The following ATP13A4 variants were observed in gnomAD, a reference collection of about 807,000 sequenced individuals.
ATP13A4 encodes the protein ATPase 13A4, also known as probable cation-transporting ATPase 13A4.
A neutral mutation model predicts 142.5 loss-of-function variants in ATP13A4; 114 were observed. The observed-to-expected ratio is 0.80, with a 90% CI of 0.69 to 0.93. ATP13A4 has a LOEUF of 0.93. Ranked by LOEUF, ATP13A4 falls within the 40% of genes least tolerant of loss-of-function variation. The pLI is 0.00. For missense variants in ATP13A4, 1,392 were observed against 1,454.0 expected (o/e 0.96, Z 0.69); for synonymous variants, 488 against 514.8 (o/e 0.95, Z 0.70).
chr3:193,471,386 G>A lies in ATP13A4; in HGVS notation c.809-393C>T, dbSNP rs1430174019. Among the ~76,000 whole-genome samples the A allele has an allele frequency of 4.6e-5, 7 of 151,866 alleles. No homozygotes were observed. The East Asian group carries it at 1.4e-3, about 29-fold the overall frequency. ...GAGACCAACCTGGACAATATAGCGG[G>A]AGCCCTATCTATCTTCACCAAAAAA... On this transcript the variant is annotated intron_variant, in intron 8 of 29. Transcript: ENST00000342695.
Position 193,506,078 on chromosome 3 carries a change from T to C in ATP13A4, c.235-3439A>G, listed in dbSNP as rs112957800. Among the ~76,000 whole-genome samples the C allele has an allele frequency of 3.6e-3, 545 of 152,320 alleles. 8 individuals are homozygous for C. Among genetic ancestry groups the C allele is most frequent in the African/African-American group, 0.012 (502 of 41,578 alleles). On this transcript the variant is annotated intron_variant, in intron 2 of 29. Coordinates refer to ENST00000342695, the MANE Select transcript of ATP13A4 (RefSeq NM_032279.4). ...TTTTCATAGCATGTTGTTTCTGAGTTCTTTCTGTAAGTAGGAACTTATTCT... is the reference window on the plus strand; with the variant it reads ...TTTTCATAGCATGTTGTTTCTGAGTCCTTTCTGTAAGTAGGAACTTATTCT...
intron 27 of ATP13A4, 137 bp from the exon 28 acceptor site, chr3:193,411,207 C>A: frequency 4.3e-6 from 3 of 698,798 alleles, no homozygotes; most frequent in African/African-American, 1.8e-5. Context: ...GGAAAGTATT[C>A]ATTTCTAAGC....
chr3:193,531,302 GGAAGGAAGGAAGGAAGGAAGGA>G (rs1560262201), intron 1 of ATP13A4, among the ~76,000 whole-genome samples: 3 of 105,192 alleles, frequency 2.9e-5, no homozygotes, highest in East Asian at 3.0e-4. Flanking sequence ...GAGGGAGGAA[GGAAGGAAGGAAGGAAGGAAGGA>G]AGGAAGGAAG....
At chr3:193,534,694 C>T (rs1722500965) in intron 1 of ATP13A4, among the ~76,000 whole-genome samples, 1 of 151,800 alleles carries the variant, frequency 6.6e-6, no homozygotes, top group African/African-American at 2.4e-5. Context: ...GATAAAGTAG[C>T]CTTTAAAAAT....
chr3:193,478,274 A>C (rs1719083894), intron 8 of ATP13A4, among the ~76,000 whole-genome samples: 1 of 151,970 alleles, frequency 6.6e-6, no homozygotes, highest in South Asian at 2.1e-4. Context: ...AACCAAGATC[A>C]GAGCAGAACT....
chr3:193,554,616 T>C, intron 1 of ATP13A4, 124 bp downstream of exon 1: 1 of 1,277,102 alleles, frequency 7.8e-7, no homozygotes. Context: ...AATACCAGAG[T>C]GAAATTTTAG....
At chr3:193,571,489 G>A (rs1724265300) in intron 2 of ATP13A4, among the ~76,000 whole-genome samples, 1 of 152,102 alleles carries the variant, frequency 6.6e-6, no homozygotes, top group African/African-American at 2.4e-5. Context: ...GAGGGGTGAG[G>A]AGGAAGTAAC....
At chr3:193,478,811 AC>A (rs1719122171) in intron 8 of ATP13A4, among the ~76,000 whole-genome samples, 1 of 144,246 alleles carries the variant, frequency 6.9e-6, no homozygotes, top group African/African-American at 2.6e-5. Context: ...GAACGACATA[AC>A]AAAAAAAGAA....
At chr3:193,409,490 C>G (rs971436145) in intron 28 of ATP13A4, among the ~76,000 whole-genome samples, 1 of 152,206 alleles carries the variant, frequency 6.6e-6, no homozygotes, top group South Asian at 2.1e-4. Flanking sequence ...GAGGACCCAG[C>G]CTTTCTGTAA....
At chr3:193,531,381 G>A (rs1481856043) in intron 1 of ATP13A4, among the ~76,000 whole-genome samples, 1 of 147,534 alleles carries the variant, frequency 6.8e-6, no homozygotes, top group Non-Finnish European at 1.5e-5. Flanking sequence ...GAGGAGCGAA[G>A]GAGGAGGTAG....
intron 1 of ATP13A4, among the ~76,000 whole-genome samples, chr3:193,531,300 AAG>A (rs1560262180): frequency 3.8e-4 from 9 of 23,708 alleles, no homozygotes; most frequent in African/African-American, 1.3e-3. Context: ...GGGAGGGAGG[AAG>A]GAAGGAAGGA....
intron 25 of ATP13A4, among the ~76,000 whole-genome samples, chr3:193,428,319 A>G (rs1715781609): frequency 6.6e-6 from 1 of 151,990 alleles, no homozygotes; most frequent in African/African-American, 2.4e-5. Context: ...GTGGAGAAAC[A>G]GGAACACTTT....
intron 2 of ATP13A4, among the ~76,000 whole-genome samples, chr3:193,507,686 G>A (rs1262232999): frequency 2.6e-5 from 4 of 152,156 alleles, no homozygotes; most frequent in African/African-American, 9.7e-5. Context: ...GTTTTCTGAG[G>A]GGAAATGGAG....
chr3:193,590,833 C>T (rs1050326693), intron 1 of ATP13A4, among the ~76,000 whole-genome samples: 1 of 152,108 alleles, frequency 6.6e-6, no homozygotes, highest in Admixed American at 6.5e-5. Flanking sequence ...GAAGCACAAG[C>T]TTCATGATAA....
In ATP13A4 at chr3:193,466,089, A is replaced by G. The variant is rs371368128; in HGVS notation, c.1208T>C (p.Leu403Pro). The change falls in exon 11 of 30, where the codon CTG becomes CCG. Residue 403 changes from leucine to proline, a missense_variant. Coordinates refer to ENST00000342695, the MANE Select transcript of ATP13A4 (RefSeq NM_032279.4). ...AATGGTGGCTGTTCCTACAAGGCAC[A>G]GGAGGAACCTGATGGCATCCCTGTA... ...QLYRDAIRFLLCLVGTATIGM... is the reference protein window; with the variant it reads ...QLYRDAIRFLPCLVGTATIGM... 3 of 1,614,066 alleles carry G rather than the reference A, an allele frequency of 1.9e-6. No individual in the cohort carries two copies. The highest frequency in any genetic ancestry group is 1.7e-5 in the Admixed American group (1 of 60,004).
intron 1 of ATP13A4, among the ~76,000 whole-genome samples, chr3:193,542,994 T>C (rs996354876): frequency 7.2e-5 from 11 of 152,022 alleles, no homozygotes; most frequent in African/African-American, 2.7e-4. Context: ...TGAAACCCTG[T>C]CTCTACTAAA....
Position 193,414,720 on chromosome 3 carries a change from A to G in ATP13A4, c.2873T>C (p.Val958Ala). 2 of 1,614,160 alleles carry G rather than the reference A, an allele frequency of 1.2e-6. No homozygotes were observed. Among genetic ancestry groups the G allele is most frequent in the Non-Finnish European group, 1.7e-6 (2 of 1,180,020 alleles). The change falls in exon 26 of 30, where the codon GTG becomes GCG. Residue 958 changes from valine to alanine, a missense_variant. By Grantham distance (64) the Val-to-Ala change is moderately conservative. Coordinates refer to ENST00000342695, the MANE Select transcript of ATP13A4 (RefSeq NM_032279.4). ...CAGCCGTCCTGCAGGTCTGAAAGGC[A>G]CCAGCTTAGGGTAGGCACCATTCAG... ...MNLNGAYPKL[V>A]PFRPAGRLIS...
intron 17 of ATP13A4, among the ~76,000 whole-genome samples, chr3:193,449,212 A>G (rs556889337): frequency 6.6e-6 from 1 of 152,316 alleles, no homozygotes; most frequent in Non-Finnish European, 1.5e-5. Flanking sequence ...ATCCACCCCA[A>G]GAATATTTTC....
chr3:193,578,390 C>T (rs1377572810), intron 2 of ATP13A4, among the ~76,000 whole-genome samples: 1 of 151,732 alleles, frequency 6.6e-6, no homozygotes, highest in Non-Finnish European at 1.5e-5. Flanking sequence ...AATTTTAACT[C>T]TACACCTTCA....
Sources: allele counts gnomAD v4.1 joint callset (sites outside exome capture counted in the v4.1 genomes callset), GRCh38; gene constraint gnomAD v4.1.1; transcripts MANE v1.5; gene names NCBI Gene and HGNC (gene_info 2026-07-23, HGNC 2026-07-21).